The following MYRFL variants were observed in gnomAD, a reference collection of about 807,000 sequenced individuals.
MYRFL encodes myelin regulatory factor-like protein.
MYRFL carries 88 observed loss-of-function variants against 109.4 expected under a neutral mutation model. That is an observed-to-expected ratio of 0.80 (90% CI 0.68 to 0.96). MYRFL has a LOEUF of 0.96. Among genes scored for constraint, MYRFL ranks in the 40% least tolerant of loss-of-function variants. MYRFL has a pLI of 0.00. For missense variants in MYRFL, 957 were observed against 954.9 expected, an observed-to-expected ratio of 1.00 and a Z score of -0.03; for synonymous variants, 324 against 320.9, an observed-to-expected ratio of 1.01 and a Z score of -0.10.
At chr12:69,865,755 C>T (rs1884983276) in intron 2 of MYRFL, among the ~76,000 whole-genome samples, 1 of 152,128 alleles carries the variant, frequency 6.6e-6, no homozygotes, top group African/African-American at 2.4e-5. Flanking sequence ...CCAGAAATAT[C>T]TACCCATAGG....
In MYRFL at chr12:69,952,181, T is replaced by C; in HGVS notation, c.2287+6T>C. 2 of 1,535,996 alleles carry C rather than the reference T, an allele frequency of 1.3e-6. No individual in the cohort carries two copies. The highest frequency in any genetic ancestry group is 2.4e-5 in the East Asian group (1 of 40,916). On this transcript the variant is annotated splice_donor_region_variant and intron_variant, in intron 20 of 24. Transcript: ENST00000552032. ...CCCTGACTGGGAGAGTGACTGTAAG[T>C]TGACATTTAAGTGACACTATTCTTT...
chr12:69,941,930 T>C (rs1955661377), intron 19 of MYRFL, among the ~76,000 whole-genome samples: 3 of 147,874 alleles, frequency 2.0e-5, no homozygotes, highest in African/African-American at 5.0e-5. Flanking sequence ...AACTAGAAAA[T>C]CTAGAAGAAA....
At chr12:69,939,089 C>T (rs1479210844) in intron 19 of MYRFL, among the ~76,000 whole-genome samples, 4 of 152,210 alleles carry the variant, frequency 2.6e-5, no homozygotes, top group East Asian at 1.9e-4. Flanking sequence ...TGAGATCAAA[C>T]TGCAAGGCGG....
Position 69,874,673 on chromosome 12 carries a change from A to T in MYRFL, c.138-4355A>T, listed in dbSNP as rs889042124. Among the ~76,000 whole-genome samples the T allele has an allele frequency of 2.6e-5, 4 of 152,208 alleles. No homozygotes were observed. The East Asian group carries it at 7.7e-4, about 29-fold the overall frequency. ...ACTTAGTTTTCTTTTATCTCAAAATATCTTTATTTTGCTTTCATTCTTGAA... is the reference window on the plus strand; with the variant it reads ...ACTTAGTTTTCTTTTATCTCAAAATTTCTTTATTTTGCTTTCATTCTTGAA... On this transcript the variant is annotated intron_variant, in intron 2 of 24. Coordinates refer to ENST00000552032, the MANE Select transcript of MYRFL (RefSeq NM_182530.3).
intron 13 of MYRFL, among the ~76,000 whole-genome samples, chr12:69,919,240 G>A (rs1045110084): frequency 4.6e-5 from 7 of 152,136 alleles, no homozygotes; most frequent in Admixed American, 4.6e-4. Context: ...AATCATCTTG[G>A]TAAGACAAGA....
At chr12:69,869,496 G>T (rs142139427) in intron 2 of MYRFL, among the ~76,000 whole-genome samples, 19 of 152,262 alleles carry the variant, frequency 1.2e-4, no homozygotes, top group African/African-American at 4.3e-4. Context: ...TACCATTTTA[G>T]ATTGGGTGGT....
At chr12:69,862,742 T>G (rs1387361740) in intron 2 of MYRFL, among the ~76,000 whole-genome samples, 1 of 152,136 alleles carries the variant, frequency 6.6e-6, no homozygotes, top group Non-Finnish European at 1.5e-5. Flanking sequence ...ACCCTTTATT[T>G]CCTTCTCCTG....
intron 1 of MYRFL, among the ~76,000 whole-genome samples, chr12:69,842,320 C>T (rs1883291515): frequency 6.6e-6 from 1 of 152,194 alleles, no homozygotes; most frequent in Non-Finnish European, 1.5e-5. Context: ...TTCAATGACT[C>T]TATCACTTTC....
chr12:69,883,422 A>T (rs1349023964), intron 5 of MYRFL, among the ~76,000 whole-genome samples: 3 of 152,210 alleles, frequency 2.0e-5, no homozygotes, highest in African/African-American at 7.2e-5. Context: ...TAACAATCAC[A>T]AACCAAAAAG....
At chr12:69,870,679 A>G (rs1270045385) in intron 2 of MYRFL, among the ~76,000 whole-genome samples, 1 of 152,256 alleles carries the variant, frequency 6.6e-6, no homozygotes, top group Non-Finnish European at 1.5e-5. Context: ...AAAGAAGTGC[A>G]AAATTTCTCT....
chr12:69,872,509 T>G (rs1462186754), intron 2 of MYRFL, among the ~76,000 whole-genome samples: 1 of 151,976 alleles, frequency 6.6e-6, no homozygotes, highest in Admixed American at 6.6e-5. Flanking sequence ...AAAAAAAATT[T>G]TTTTTTTTTG....
intron 18 of MYRFL, 26 bp from the exon 19 acceptor site, chr12:69,936,427 C>T (rs1008976135): frequency 1.3e-6 from 2 of 1,530,708 alleles, no homozygotes; most frequent in African/African-American, 1.4e-5. Flanking sequence ...TCTTGCTTCC[C>T]CTCCCCCCTG....
At chr12:69,932,465 A>AG in intron 15 of MYRFL, 48 bp from the exon 16 acceptor site, 1 of 1,281,328 alleles carries the variant, frequency 7.8e-7, no homozygotes, top group East Asian at 2.5e-5. Context: ...CCCTTCTCAC[A>AG]GTTAGAGTTG....
chr12:69,855,122 T>C (rs1401105624), intron 1 of MYRFL, among the ~76,000 whole-genome samples, 158 bp from the exon 2 acceptor site: 1 of 152,218 alleles, frequency 6.6e-6, no homozygotes, highest in Admixed American at 6.5e-5. Context: ...CATCCACCCA[T>C]TGAATCAATG....
chr12:69,886,271 G>A (rs1317999945), intron 5 of MYRFL, among the ~76,000 whole-genome samples: 1 of 152,136 alleles, frequency 6.6e-6, no homozygotes, highest in South Asian at 2.1e-4. Context: ...GCCTTCTGCT[G>A]TGCTGGCATC....
At chr12:69,910,141 T>A in intron 12 of MYRFL, 64 bp downstream of exon 12, 2 of 1,084,936 alleles carry the variant, frequency 1.8e-6, no homozygotes, top group Non-Finnish European at 2.6e-6. Context: ...ATTACCTCTT[T>A]ATTTTGAGGT....
chr12:69,944,116 G>A (rs1955754341), intron 19 of MYRFL, among the ~76,000 whole-genome samples: 1 of 150,830 alleles, frequency 6.6e-6, no homozygotes, highest in African/African-American at 2.5e-5. Flanking sequence ...CCTTGTGGAA[G>A]TCAGTGAGGC....
rs374976922 is a variant in MYRFL, at chr12:69,888,780, C to T, written c.707+1810C>T. On this transcript the variant is annotated intron_variant, in intron 6 of 24. Transcript: ENST00000552032. ...CTCAACTAAGACGGTTCTTATTACCCTCTGTAGTAAAATCTACATAATTCT... is the reference window on the plus strand; with the variant it reads ...CTCAACTAAGACGGTTCTTATTACCTTCTGTAGTAAAATCTACATAATTCT... 7.2e-5 allele frequency among the ~76,000 whole-genome samples: 11 copies of T among 152,316 alleles called. 1 individual carries two copies. In the South Asian group the frequency reaches 1.9e-3, roughly 26 times the overall value.
In MYRFL at chr12:69,936,192, G is replaced by C. The variant is rs1955459508; in HGVS notation, c.1991+5G>C. 1 of 1,517,206 alleles carries C rather than the reference G, an allele frequency of 6.6e-7. No homozygotes were observed. The highest frequency in any genetic ancestry group is 8.8e-7 in the Non-Finnish European group (1 of 1,137,392). 94.0% of individuals were successfully genotyped at this position (1,517,206 alleles called of 1,614,324 possible). ...TGTCCCAAATCTCCCTCCAAGGTGA[G>C]AGTTCAGTTCAATTTTCTGGCCTAA... On this transcript the variant is annotated splice_donor_5th_base_variant and intron_variant, in intron 17 of 24. Coordinates refer to ENST00000552032, the MANE Select transcript of MYRFL (RefSeq NM_182530.3).
Sources: allele counts gnomAD v4.1 joint callset (sites outside exome capture counted in the v4.1 genomes callset), GRCh38; gene constraint gnomAD v4.1.1; transcripts MANE v1.5; gene names NCBI Gene and HGNC (gene_info 2026-07-23, HGNC 2026-07-21).